RRM2B: variants seen among roughly 807,000 people sequenced by gnomAD.
RRM2B encodes ribonucleotide reductase regulatory TP53 inducible subunit M2B.
A neutral mutation model predicts 45.9 loss-of-function variants in RRM2B; 20 were observed. The observed-to-expected ratio is 0.44, with a 90% CI of 0.31 to 0.63. The LOEUF (loss-of-function observed/expected upper bound fraction) is 0.63. Among genes scored for constraint, RRM2B ranks in the 30% least tolerant of loss-of-function variants. The pLI is 0.09. For synonymous variants in RRM2B, 124 were observed against 132.3 expected (o/e 0.94, Z 0.43); for missense variants, 320 against 414.7 (o/e 0.77, Z 1.98).
At chr8:102,231,786 T>C (rs984413948) in intron 2 of RRM2B, among the ~76,000 whole-genome samples, 3 of 151,134 alleles carry the variant, frequency 2.0e-5, no homozygotes, top group African/African-American at 7.3e-5. Context: ...GGAGAATCGC[T>C]TGAACCCGGG....
chr8:102,218,731 A>C, intron 6 of RRM2B, 83 bp downstream of exon 6: 1 of 1,266,464 alleles, frequency 7.9e-7, no homozygotes, highest in South Asian at 1.3e-5. Context: ...GTCTCAAAAA[A>C]AAAAAAAAAA....
At chr8:102,208,653 T>C (rs1397076000) in intron 8 of RRM2B, among the ~76,000 whole-genome samples, 3 of 152,196 alleles carry the variant, frequency 2.0e-5, no homozygotes, top group Admixed American at 2.0e-4. Flanking sequence ...CAGACATACA[T>C]GATACTATAA....
chr8:102,206,541 T>C lies in RRM2B; in HGVS notation c.*1592A>G, dbSNP rs919288726. The C allele has an allele frequency of 1.3e-5, 2 of 152,190 alleles. No homozygotes were observed. Among genetic ancestry groups the C allele is most frequent in the African/African-American group, 4.8e-5 (2 of 41,452 alleles). 9.4% of individuals were successfully genotyped at this position (152,190 alleles called of 1,614,324 possible). A position where few individuals can be genotyped will look rare whatever the true frequency, so the allele number is the denominator to read the frequency against. Reference sequence around the variant, plus strand: ...TTTGATTAGATTGTTATGGAAAGAATGGAGCCAAAATTTATGCAAAGAGAA... The same window carrying C: ...TTTGATTAGATTGTTATGGAAAGAACGGAGCCAAAATTTATGCAAAGAGAA... On this transcript the variant is annotated 3_prime_UTR_variant, in exon 9 of 9. Transcript: ENST00000251810.
At chr8:102,224,770 C>A in intron 4 of RRM2B, 115 bp downstream of exon 4, 1 of 1,070,538 alleles carries the variant, frequency 9.3e-7, no homozygotes, top group Non-Finnish European at 1.4e-6. Context: ...AAATATTATG[C>A]TCAGAAACTT....
At chr8:102,238,714 G>T in intron 1 of RRM2B, 113 bp downstream of exon 1, 2 of 1,577,534 alleles carry the variant, frequency 1.3e-6, no homozygotes, top group South Asian at 1.1e-5. Context: ...AGGGCGGGCG[G>T]ACAGGCCTGT....
intron 2 of RRM2B, among the ~76,000 whole-genome samples, chr8:102,227,255 A>G (rs769696332): frequency 2.0e-5 from 3 of 152,152 alleles, no homozygotes; most frequent in Non-Finnish European, 2.9e-5. Context: ...GAATTAAGGG[A>G]GACGTACTTT....
Position 102,224,154 on chromosome 8 carries a change from A to T in RRM2B, c.456-14T>A. The T allele has an allele frequency of 6.7e-7, 1 of 1,485,576 alleles. No individual in the cohort carries two copies. The highest frequency in any genetic ancestry group is 9.4e-7 in the Non-Finnish European group (1 of 1,063,250). 92.0% of individuals were successfully genotyped at this position (1,485,576 alleles called of 1,614,324 possible). ...AATAAAAATTCCCTGTAAAAACAAA[A>T]GAATGAACAGCAAAGTTATTCACTT... is the stretch of plus-strand genomic sequence containing the variant. On this transcript the variant is annotated splice_polypyrimidine_tract_variant and intron_variant, in intron 4 of 8. Transcript: ENST00000251810.
chr8:102,236,402 G>C (rs986255261), intron 1 of RRM2B, among the ~76,000 whole-genome samples: 1 of 152,126 alleles, frequency 6.6e-6, no homozygotes, highest in Non-Finnish European at 1.5e-5. Flanking sequence ...AGAAAACCAC[G>C]TATAGGATTA....
chr8:102,238,893 G>T lies in RRM2B; in HGVS notation c.-19C>A. 1 of 1,609,012 alleles carries T rather than the reference G, an allele frequency of 6.2e-7. No individual in the cohort carries two copies. On this transcript the variant is annotated 5_prime_UTR_variant, in exon 1 of 9. Coordinates refer to ENST00000251810, the MANE Select transcript of RRM2B (RefSeq NM_015713.5). ...CGCCCATCGCGCAGACTCCGCCGAA[G>T]CTACGGGCGCTGAGGGAACTGAGCT...
At chr8:102,238,600 G>A (rs1400417200) in intron 1 of RRM2B, 2 of 1,526,848 alleles carry the variant, frequency 1.3e-6, no homozygotes, top group Non-Finnish European at 8.8e-7. Context: ...GCTGGCCCCG[G>A]GGCAGAGCAG....
At chr8:102,219,712 T>C (rs1438657089) in intron 5 of RRM2B, among the ~76,000 whole-genome samples, 1 of 152,200 alleles carries the variant, frequency 6.6e-6, no homozygotes, top group African/African-American at 2.4e-5. Context: ...CCACACTGCA[T>C]ATGCCTGAGA....
chr8:102,218,265 G>T (rs561065940), intron 6 of RRM2B, among the ~76,000 whole-genome samples: 1 of 152,108 alleles, frequency 6.6e-6, no homozygotes, highest in Non-Finnish European at 1.5e-5. Context: ...AGGCCAGTGC[G>T]GGAACCTAGG....
At chr8:102,231,679 G>A (rs753033596) in intron 2 of RRM2B, among the ~76,000 whole-genome samples, 1 of 151,634 alleles carries the variant, frequency 6.6e-6, no homozygotes, top group Admixed American at 6.6e-5. Flanking sequence ...GACCAGCCTG[G>A]CCAATGTGGT....
rs192879206 is a variant in RRM2B at position 102,226,606 on chromosome 8, C to T, written c.205-572G>A. 9.5e-3 allele frequency among the ~76,000 whole-genome samples: 1,453 copies of T among 152,152 alleles called. 13 individuals are homozygous for T. Among genetic ancestry groups the T allele is most frequent in the African/African-American group, 0.032 (1,318 of 41,494 alleles). On this transcript the variant is annotated intron_variant, in intron 2 of 8. Coordinates refer to ENST00000251810, the MANE Select transcript of RRM2B (RefSeq NM_015713.5). ...GCTTTAACATTTTATATAATATGTG[C>T]TATGGTGTTAGATAATTAGGCACCT...
At chr8:102,225,449 G>C (rs1390114214) in intron 3 of RRM2B, among the ~76,000 whole-genome samples, 1 of 151,916 alleles carries the variant, frequency 6.6e-6, no homozygotes, top group Non-Finnish European at 1.5e-5. Flanking sequence ...GGCCAGGATG[G>C]TCTCAATCTC....
chr8:102,210,355 A>C (rs1249393675), intron 8 of RRM2B, among the ~76,000 whole-genome samples: 1 of 152,218 alleles, frequency 6.6e-6, no homozygotes. Context: ...CCATAGACTC[A>C]CTAGATGTTA....
intron 6 of RRM2B, 46 bp downstream of exon 6, chr8:102,218,768 T>A: frequency 4.0e-4 from 445 of 1,119,802 alleles, no homozygotes; most frequent in Non-Finnish European, 5.5e-4. Flanking sequence ...TAGATGAACA[T>A]CAAATATGAA....
rs1416461190 is a variant in RRM2B, at chr8:102,206,142, AAT to A, written c.*1989_*1990del. 1 of 152,020 alleles carries A rather than the reference AAT, an allele frequency of 6.6e-6. No individual in the cohort carries two copies. Among genetic ancestry groups the A allele is most frequent in the East Asian group, 1.9e-4 (1 of 5,204 alleles). The allele number at this position is 152,020 out of a possible 1,614,324, so 9.4% of individuals were successfully genotyped here. On this transcript the variant is annotated 3_prime_UTR_variant, in exon 9 of 9. Coordinates refer to ENST00000251810, the MANE Select transcript of RRM2B (RefSeq NM_015713.5). ...ATGTCTCTCTATATTTTGATACTTT[AAT>A]ATATATATTTAAAGTATATTCAATT...
intron 6 of RRM2B, 42 bp from the exon 7 acceptor site, chr8:102,214,200 C>A: frequency 7.6e-7 from 1 of 1,317,742 alleles, no homozygotes. Context: ...AACTTTTAAT[C>A]AGCTATTTGC....
Sources: gnomAD v4.1 joint callset for allele counts (sites outside exome capture counted in the v4.1 genomes callset) on GRCh38, gnomAD v4.1.1 for gene constraint, MANE v1.5 for transcripts, NCBI Gene and HGNC (gene_info 2026-07-23, HGNC 2026-07-21) for gene names.